MTERF4: variants seen among roughly 807,000 people sequenced by gnomAD.
The protein encoded by MTERF4 is transcription termination factor 4, mitochondrial.
Under a neutral mutation model 22.5 loss-of-function variants are expected in MTERF4, and 17 were observed. The observed-to-expected ratio is 0.75, with a 90% CI of 0.52 to 1.13. The LOEUF (loss-of-function observed/expected upper bound fraction) is 1.13. Ranked by LOEUF, MTERF4 falls within the 50% of genes most tolerant of loss-of-function variation. MTERF4 has a pLI of 0.00. For synonymous variants in MTERF4, 165 were observed against 175.3 expected (o/e 0.94, Z 0.47); for missense variants, 420 against 466.8 (o/e 0.90, Z 0.92).
the MTERF4 span, among the ~76,000 whole-genome samples, chr2:241,054,108 C>A: frequency 7.0e-6 from 1 of 141,970 alleles, no homozygotes; most frequent in Admixed American, 7.1e-5. Context: ...TGGCTTCAAG[C>A]ATCCCTCCTT....
At chr2:241,056,897 TAAA>T in the MTERF4 span, among the ~76,000 whole-genome samples, 1 of 152,106 alleles carries the variant, frequency 6.6e-6, no homozygotes, top group Non-Finnish European at 1.5e-5. Context: ...GTGAATGTTT[TAAA>T]AAACAGCATC....
At chr2:241,065,593 C>T in the MTERF4 span, 22 of 1,610,816 alleles carry the variant, frequency 1.4e-5, no homozygotes, top group African/African-American at 2.7e-5. Flanking sequence ...CTGGCCCGCA[C>T]GCGTGAGTGT....
At chr2:241,067,509 C>T (rs2062507215), downstream of MTERF4, among the ~76,000 whole-genome samples, 1 of 152,228 alleles carries the variant, frequency 6.6e-6, no homozygotes, top group East Asian at 1.9e-4. Flanking sequence ...AGACCCCTGC[C>T]TCTGGTAAGA....
downstream of MTERF4, among the ~76,000 whole-genome samples, chr2:241,085,383 A>G (rs924060477): frequency 2.6e-5 from 4 of 152,178 alleles, no homozygotes; most frequent in African/African-American, 9.7e-5. Flanking sequence ...ATCCTGTTCA[A>G]CAAAAGTTTT....
chr2:241,068,057 G>C (rs956889911), downstream of MTERF4: 10 of 1,025,768 alleles, frequency 9.7e-6, no homozygotes, highest in Non-Finnish European at 1.4e-5. The surrounding 1 kb of genome is among the most constrained non-coding windows in gnomAD (Gnocchi z 5.3). Context: ...TGTACCACCT[G>C]CCGCTCCTCA....
intron 4 of MTERF4, among the ~76,000 whole-genome samples, chr2:241,077,600 A>G (rs2063090615): frequency 6.6e-6 from 1 of 152,156 alleles, no homozygotes; most frequent in Admixed American, 6.5e-5. Flanking sequence ...ACATGGGCAA[A>G]TCATACCTGA....
the MTERF4 span, chr2:241,049,264 G>A: frequency 1.5e-6 from 1 of 671,446 alleles, no homozygotes; most frequent in Non-Finnish European, 2.6e-6. Context: ...CTGGCACCTG[G>A]GGAAGCCTCT....
At chr2:241,072,661 G>A in exon 5 of MTERF4, 1 of 210,976 alleles carries the variant, frequency 4.7e-6, no homozygotes. Context: ...GGTGAGCAGG[G>A]GAGAGAGCCC....
chr2:241,070,215 G>A, downstream of MTERF4: 2 of 1,594,758 alleles, frequency 1.3e-6, no homozygotes, highest in Non-Finnish European at 8.5e-7. Context: ...AGTGCCGTGG[G>A]CCCTGCGCGT....
chr2:241,079,062 C>G (rs1478102205), intron 4 of MTERF4, among the ~76,000 whole-genome samples: 3 of 142,618 alleles, frequency 2.1e-5, no homozygotes, highest in Non-Finnish European at 3.0e-5. Context: ...TGCAGCGAGC[C>G]GAGATCGCAC....
the MTERF4 span, chr2:241,051,227 T>C: frequency 6.5e-6 from 1 of 152,886 alleles, no homozygotes; most frequent in African/African-American, 2.4e-5. The surrounding 1 kb of genome is among the most constrained non-coding windows in gnomAD (Gnocchi z 4.7). Flanking sequence ...CCTTTAAATA[T>C]GTGCTTGCCT....
At chr2:241,056,806 C>A in the MTERF4 span, among the ~76,000 whole-genome samples, 1 of 151,822 alleles carries the variant, frequency 6.6e-6, no homozygotes, top group Non-Finnish European at 1.5e-5. Flanking sequence ...TGGTCTCGAT[C>A]TCCTGACCTC....
chr2:241,065,543 CA>C, the MTERF4 span: 1 of 1,612,906 alleles, frequency 6.2e-7, no homozygotes, highest in Non-Finnish European at 8.5e-7. Context: ...TGAAGCGAAA[CA>C]GTAACAACAA....
downstream of MTERF4, among the ~76,000 whole-genome samples, chr2:241,084,848 AT>A (rs968090177): frequency 9.3e-5 from 14 of 150,412 alleles, no homozygotes; most frequent in African/African-American, 1.7e-4. Flanking sequence ...GTCTGAAACT[AT>A]TTTTTTTTCA....
intron 4 of MTERF4, among the ~76,000 whole-genome samples, chr2:241,078,004 T>C (rs1425405004): frequency 6.6e-6 from 1 of 152,110 alleles, no homozygotes; most frequent in African/African-American, 2.4e-5. Flanking sequence ...AAAACCTATG[T>C]CCACATGAGG....
chr2:241,088,683 T>C (rs2063711757), downstream of MTERF4: 1 of 450,788 alleles, frequency 2.2e-6, no homozygotes, highest in Middle Eastern at 5.8e-4. Context: ...AAGGGAAATG[T>C]GGCCAAGAAA....
chr2:241,099,970 A>C, intron 1 of MTERF4, 76 bp from the exon 2 acceptor site: 2 of 1,514,418 alleles, frequency 1.3e-6, no homozygotes, highest in African/African-American at 2.8e-5. Flanking sequence ...CTTCTGAGCC[A>C]GAGTACTTAC....
At chr2:241,078,308 G>A (rs545077670) in intron 4 of MTERF4, among the ~76,000 whole-genome samples, 31 of 151,112 alleles carry the variant, frequency 2.1e-4, no homozygotes, top group Non-Finnish European at 3.2e-4. Flanking sequence ...GCTTGAACCC[G>A]GGAGGTGGAG....
At chr2:241,058,950 A>C in the MTERF4 span, among the ~76,000 whole-genome samples, 1 of 140,688 alleles carries the variant, frequency 7.1e-6, no homozygotes, top group African/African-American at 2.8e-5. Flanking sequence ...ACTCTGTTTC[A>C]AAAAAAAAAA....
Sources: allele counts gnomAD v4.1 joint callset (sites outside exome capture counted in the v4.1 genomes callset), GRCh38; gene constraint gnomAD v4.1.1; non-coding constraint Gnocchi (gnomAD v3.1); transcripts MANE v1.5; gene names NCBI Gene and HGNC (gene_info 2026-07-23, HGNC 2026-07-21).